The following KCNN3 variants were observed in gnomAD, a reference collection of about 807,000 sequenced individuals.
KCNN3 encodes the protein potassium calcium-activated channel subfamily N member 3.
In KCNN3, 16 loss-of-function variants were observed where a neutral mutation model predicts 62.9. The observed-to-expected ratio is 0.25, with a 90% CI of 0.17 to 0.39. The LOEUF (loss-of-function observed/expected upper bound fraction) is 0.39. KCNN3 is among the 10% of genes least tolerant of loss of function. The pLI is 1.00. For synonymous variants in KCNN3, 370 were observed against 389.2 expected (o/e 0.95, Z 0.58); for missense variants, 599 against 949.4 (o/e 0.63, Z 4.85).
intron 7 of KCNN3, among the ~76,000 whole-genome samples, chr1:154,710,712 C>T (rs1359791489): frequency 6.6e-6 from 1 of 152,184 alleles, no homozygotes; most frequent in African/African-American, 2.4e-5. Context: ...CAAAAGAAGA[C>T]ATTTATGCAG....
At chr1:154,711,505 T>TAAA (rs200946213) in intron 7 of KCNN3, among the ~76,000 whole-genome samples, 2 of 133,292 alleles carry the variant, frequency 1.5e-5, no homozygotes, top group Non-Finnish European at 3.2e-5. Flanking sequence ...ATAATAAAAC[T>TAAA]AAAAAAAAAA....
chr1:154,725,311 G>A (rs1000454728), intron 5 of KCNN3, among the ~76,000 whole-genome samples: 6 of 152,018 alleles, frequency 3.9e-5, no homozygotes, highest in Non-Finnish European at 8.8e-5. Flanking sequence ...GCCTCATACC[G>A]TGATTTATTT....
intron 5 of KCNN3, among the ~76,000 whole-genome samples, chr1:154,723,096 A>T (rs1700391577): frequency 6.6e-6 from 1 of 152,216 alleles, no homozygotes; most frequent in Admixed American, 6.5e-5. Context: ...AGAGGACAGA[A>T]GGCAGGCCAG....
chr1:154,709,548 A>C (rs1439263820), intron 7 of KCNN3, among the ~76,000 whole-genome samples: 1 of 152,178 alleles, frequency 6.6e-6, no homozygotes, highest in Non-Finnish European at 1.5e-5. Context: ...CCAGAGAAGA[A>C]TGAAGGGGAG....
In KCNN3 at chr1:154,699,772, G is replaced by A. The variant is rs1201400722; in HGVS notation, c.*8204C>T. 6.6e-6 allele frequency: 1 copy of A among 152,096 alleles called. No individual in the cohort carries two copies. The highest frequency in any genetic ancestry group is 1.5e-5 in the Non-Finnish European group (1 of 68,026). 9.4% of individuals were successfully genotyped at this position (152,096 alleles called of 1,614,324 possible). A position where few individuals can be genotyped will look rare whatever the true frequency, so the allele number is the denominator to read the frequency against. ...TGAGTTCCTCAAGGGAAGAACACAA[G>A]GATCGAGAAACACAACAATTTCTGT... is the stretch of plus-strand genomic sequence containing the variant. On this transcript the variant is annotated 3_prime_UTR_variant, in exon 8 of 8. Coordinates refer to ENST00000271915, the MANE Select transcript of KCNN3 (RefSeq NM_002249.6).
chr1:154,769,134 T>C (rs961913649), intron 3 of KCNN3, among the ~76,000 whole-genome samples: 2 of 152,064 alleles, frequency 1.3e-5, no homozygotes, highest in African/African-American at 2.4e-5. Context: ...ATGTAGTGGA[T>C]GACATGTTGC....
intron 1 of KCNN3, among the ~76,000 whole-genome samples, chr1:154,843,922 A>T (rs928911577): frequency 6.6e-6 from 1 of 152,178 alleles, no homozygotes. Context: ...AGTTCTACAC[A>T]AGAGTCCAGC....
At chr1:154,786,427 A>G (rs1649285819) in intron 2 of KCNN3, among the ~76,000 whole-genome samples, 1 of 152,240 alleles carries the variant, frequency 6.6e-6, no homozygotes. Context: ...ACAGCTGAAT[A>G]TATTATGGTA....
intron 2 of KCNN3, among the ~76,000 whole-genome samples, chr1:154,814,960 G>T (rs1650597974): frequency 6.6e-6 from 1 of 152,226 alleles, no homozygotes; most frequent in Non-Finnish European, 1.5e-5. Context: ...TCATCCAGGG[G>T]CACACTCATG....
Position 154,707,694 on chromosome 1 carries a change from T to G in KCNN3, c.*282A>C. On this transcript the variant is annotated 3_prime_UTR_variant, in exon 8 of 8. Coordinates refer to ENST00000271915, the MANE Select transcript of KCNN3 (RefSeq NM_002249.6). Reference sequence around the variant, plus strand: ...TGAAGACCTGAGATTGAGCGTGGATTTCTGTTCTCCACCAACTCTGCAGCA... The same window carrying G: ...TGAAGACCTGAGATTGAGCGTGGATGTCTGTTCTCCACCAACTCTGCAGCA... The G allele has an allele frequency of 5.4e-6, 2 of 371,078 alleles. No homozygotes were observed. The highest frequency in any genetic ancestry group is 5.1e-5 in the East Asian group (1 of 19,490). 23.0% of individuals were successfully genotyped at this position (371,078 alleles called of 1,614,324 possible). A position where few individuals can be genotyped will look rare whatever the true frequency, so the allele number is the denominator to read the frequency against.
intron 2 of KCNN3, among the ~76,000 whole-genome samples, chr1:154,812,962 C>T (rs1045812378): frequency 2.0e-5 from 3 of 152,238 alleles, no homozygotes; most frequent in Non-Finnish European, 2.9e-5. Context: ...CGACATTTTC[C>T]TCTCCTTGTC....
Position 154,842,497 on chromosome 1 carries a change from C to G in KCNN3, c.934-20313G>C, listed in dbSNP as rs573149199. 3.9e-5 allele frequency among the ~76,000 whole-genome samples: 6 copies of G among 152,244 alleles called. No individual in the cohort carries two copies. In the South Asian group the frequency reaches 1.0e-3, roughly 26 times the overall value. ...ACCTGGTCGCACCCCAAAAGTGGGG[C>G]AGAAGGGGGCTATAAGCAACTGGGA... is the stretch of plus-strand genomic sequence containing the variant. On this transcript the variant is annotated intron_variant, in intron 1 of 7. Coordinates refer to ENST00000271915, the MANE Select transcript of KCNN3 (RefSeq NM_002249.6).
intron 1 of KCNN3, among the ~76,000 whole-genome samples, chr1:154,838,445 G>T (rs947790200): frequency 4.6e-5 from 7 of 152,082 alleles, no homozygotes; most frequent in Admixed American, 3.9e-4. Context: ...CCTAAGCAAG[G>T]CATGATCTGA....
At position 154,870,003 on chromosome 1, in the gene KCNN3, A is replaced by C. The variant is rs779524182; in HGVS notation, c.-39T>G. On this transcript the variant is annotated 5_prime_UTR_variant, in exon 1 of 8. Transcript: ENST00000271915. ...TGTATTCCCTGCAGCACAAGCCCCC[A>C]CCCCAAAGCCACCCTCGCTCCAAAG... is the stretch of plus-strand genomic sequence containing the variant. 1.1e-5 allele frequency: 18 copies of C among 1,597,498 alleles called. No homozygotes were observed.
At chr1:154,722,512 C>A (rs999339253) in intron 5 of KCNN3, among the ~76,000 whole-genome samples, 1 of 147,214 alleles carries the variant, frequency 6.8e-6, no homozygotes, top group African/African-American at 2.5e-5. Context: ...CTCAGTCTCC[C>A]GAGTACCTGG....
At chr1:154,720,615 A>G (rs1339480011) in intron 5 of KCNN3, among the ~76,000 whole-genome samples, 1 of 152,260 alleles carries the variant, frequency 6.6e-6, no homozygotes. Flanking sequence ...ACTTTGGCAT[A>G]TGCTTGTAAT....
At chr1:154,822,664 G>T (rs2101895012) in intron 1 of KCNN3, among the ~76,000 whole-genome samples, 1 of 152,366 alleles carries the variant, frequency 6.6e-6, no homozygotes, top group South Asian at 2.1e-4. Context: ...TTTCAGGAAT[G>T]AATTTGAATG....
intron 1 of KCNN3, among the ~76,000 whole-genome samples, chr1:154,860,444 C>T (rs944719010): frequency 6.6e-6 from 1 of 152,216 alleles, no homozygotes; most frequent in Non-Finnish European, 1.5e-5. Context: ...TGCATGTCCA[C>T]ACCCGGTTAG....
intron 5 of KCNN3, 147 bp from the exon 6 acceptor site, chr1:154,715,150 G>A (rs532420215): frequency 9.6e-7 from 1 of 1,037,258 alleles, no homozygotes; most frequent in Non-Finnish European, 1.4e-6. Context: ...TAGAAAAGAT[G>A]ATTAAGGCCG....
Sources: gnomAD v4.1 joint callset for allele counts (sites outside exome capture counted in the v4.1 genomes callset) on GRCh38, gnomAD v4.1.1 for gene constraint, MANE v1.5 for transcripts, NCBI Gene and HGNC (gene_info 2026-07-23, HGNC 2026-07-21) for gene names.